The following PTCHD4 variants were observed in gnomAD, a reference collection of about 807,000 sequenced individuals.
PTCHD4 encodes the protein patched domain containing 4, also known as patched domain-containing protein 4.
Under a neutral mutation model 58.1 loss-of-function variants are expected in PTCHD4, and 33 were observed. The observed-to-expected ratio is 0.57, with a 90% CI of 0.43 to 0.76. The LOEUF (loss-of-function observed/expected upper bound fraction) is 0.76. Ranked by LOEUF, PTCHD4 falls within the 30% of genes least tolerant of loss-of-function variation. The pLI, the probability that PTCHD4 is intolerant of heterozygous loss-of-function variation, is 0.00. For synonymous variants in PTCHD4, 478 were observed against 409.6 expected, an observed-to-expected ratio of 1.17 and a Z score of -2.02; for missense variants, 1,058 against 1,027.1, an observed-to-expected ratio of 1.03 and a Z score of -0.41.
Position 47,879,833 on chromosome 6 carries a change from C to T in PTCHD4, c.1002G>A (p.Met334Ile), listed in dbSNP as rs1311499263. 2 of 1,612,750 alleles carry T rather than the reference C, an allele frequency of 1.2e-6. No homozygotes were observed. Among genetic ancestry groups the T allele is most frequent in the Admixed American group, 1.7e-5 (1 of 59,802 alleles). The stretch of plus-strand genomic sequence containing the variant: ...GGGAGCTGGTCATGGTATAGGTGAC[C>T]ATCACATCAGAATAGGCATCTGCTA... ...DRIADAYSDV[M>I]VTYTMTSSLY... is the part of the protein sequence containing the mutation. Residue 334 changes from methionine (M) to isoleucine (I), a missense_variant, in exon 5 of 5, where the codon ATG (methionine) becomes ATA (isoleucine). Physicochemically the swap from Met to Ile is conservative, Grantham distance 10 (BLOSUM62 1). Coordinates refer to ENST00000339488, the MANE Select transcript of PTCHD4 (RefSeq NM_001384253.1).
intron 4 of PTCHD4, among the ~76,000 whole-genome samples, chr6:47,933,273 C>T (rs140200096): frequency 6.6e-6 from 1 of 152,300 alleles, no homozygotes; most frequent in African/African-American, 2.4e-5. Context: ...CTTTCAATAA[C>T]TTCAGATGCA....
chr6:48,013,361 A>G (rs1379946990), intron 3 of PTCHD4, among the ~76,000 whole-genome samples: 1 of 137,122 alleles, frequency 7.3e-6, no homozygotes, highest in African/African-American at 2.7e-5. Context: ...CAATCCAATA[A>G]GAATTTCAGT....
At chr6:47,930,103 A>G (rs1042241458) in intron 4 of PTCHD4, among the ~76,000 whole-genome samples, 1 of 152,238 alleles carries the variant, frequency 6.6e-6, no homozygotes, top group Non-Finnish European at 1.5e-5. Flanking sequence ...TAAATCAACT[A>G]TTAGAAAATA....
At chr6:47,940,587 A>G (rs1431743808) in intron 4 of PTCHD4, among the ~76,000 whole-genome samples, 4 of 152,194 alleles carry the variant, frequency 2.6e-5, no homozygotes, top group Non-Finnish European at 5.9e-5. Flanking sequence ...TTAAAACCAT[A>G]AATAGTTAAA....
At chr6:48,057,878 G>T (rs555761386) in intron 3 of PTCHD4, among the ~76,000 whole-genome samples, 1 of 152,304 alleles carries the variant, frequency 6.6e-6, no homozygotes, top group African/African-American at 2.4e-5. Flanking sequence ...ATAATCAAGA[G>T]ATTCACATGA....
chr6:48,008,530 A>T lies in PTCHD4; in HGVS notation c.898+104T>A, dbSNP rs967399873. ...TAAAATTTTATGTAATGACATAGAC[A>T]CCCCAATGCAAAATTAAAACAGATT... On this transcript the variant is annotated intron_variant, in intron 4 of 4. Transcript: ENST00000339488. The T allele has an allele frequency of 5.4e-6, 7 of 1,292,438 alleles. No individual in the cohort carries two copies. In the South Asian group the frequency reaches 7.8e-5, roughly 14 times the overall value. The allele number at this position is 1,292,438 out of a possible 1,614,324, so 80.1% of individuals were successfully genotyped here.
At chr6:48,041,904 TA>T (rs1191627822) in intron 3 of PTCHD4, among the ~76,000 whole-genome samples, 1 of 152,050 alleles carries the variant, frequency 6.6e-6, no homozygotes, top group Non-Finnish European at 1.5e-5. Context: ...TAAAAAAAAT[TA>T]AAAGTGTTTG....
At chr6:48,004,378 T>C (rs1427817805) in intron 4 of PTCHD4, among the ~76,000 whole-genome samples, 18 of 152,156 alleles carry the variant, frequency 1.2e-4, no homozygotes, top group Admixed American at 1.2e-3. Context: ...CCGAGGCTAC[T>C]ACTGTTCCTG....
Position 47,879,794 on chromosome 6 carries a change from A to C in PTCHD4, c.1041T>G (p.Thr347=). Reference sequence around the variant, plus strand: ...TGAATGGGCTGGCACCCATGCCAAAAGTGATGAAGTACAGGGAGCTGGTCA... The same window carrying C: ...TGAATGGGCTGGCACCCATGCCAAACGTGATGAAGTACAGGGAGCTGGTCA... ...YTMTSSLYFI[T]FGMGASPFTN... Residue 347 remains threonine (T), a synonymous_variant, in exon 5 of 5, where the codon ACT becomes ACG. Coordinates refer to ENST00000339488, the MANE Select transcript of PTCHD4 (RefSeq NM_001384253.1). 6.2e-7 allele frequency: 1 copy of C among 1,613,682 alleles called. No individual in the cohort carries two copies. The highest frequency in any genetic ancestry group is 1.1e-5 in the South Asian group (1 of 91,058).
intron 4 of PTCHD4, among the ~76,000 whole-genome samples, chr6:47,918,914 G>A (rs1765343588): frequency 2.0e-5 from 3 of 152,110 alleles, no homozygotes; most frequent in Admixed American, 2.0e-4. Flanking sequence ...GATAAAGAAG[G>A]TTGGGTCCTA....
chr6:48,061,381 G>A (rs1764620596), intron 3 of PTCHD4, among the ~76,000 whole-genome samples: 1 of 152,176 alleles, frequency 6.6e-6, no homozygotes, highest in South Asian at 2.1e-4. Context: ...CCTCTTTGGT[G>A]TTTCCATGAT....
At chr6:47,994,949 A>G (rs1768425762) in intron 4 of PTCHD4, among the ~76,000 whole-genome samples, 1 of 152,212 alleles carries the variant, frequency 6.6e-6, no homozygotes, top group Middle Eastern at 3.2e-3. Flanking sequence ...ACAACCAAAA[A>G]GAAAAATGTT....
chr6:47,927,860 C>T (rs890009496), intron 4 of PTCHD4, among the ~76,000 whole-genome samples: 2 of 151,546 alleles, frequency 1.3e-5, no homozygotes, highest in Non-Finnish European at 2.9e-5. Flanking sequence ...TGGGCTCAAG[C>T]GATCCATCTG....
At chr6:48,097,556 G>T (rs761655191) in intron 1 of PTCHD4, among the ~76,000 whole-genome samples, 32 of 152,196 alleles carry the variant, frequency 2.1e-4, no homozygotes, top group South Asian at 1.0e-3. Context: ...ATATTTCGGG[G>T]TGTTATCCAA....
intron 4 of PTCHD4, among the ~76,000 whole-genome samples, chr6:47,999,191 G>A (rs182246175): frequency 2.6e-5 from 4 of 152,308 alleles, no homozygotes; most frequent in Admixed American, 2.6e-4. Flanking sequence ...TCCAATGAGA[G>A]AGTAAGATGA....
intron 4 of PTCHD4, among the ~76,000 whole-genome samples, chr6:47,897,020 T>G (rs762837230): frequency 1.3e-5 from 2 of 152,176 alleles, no homozygotes; most frequent in African/African-American, 2.4e-5. Flanking sequence ...AAATATTAGT[T>G]TTTTTTGTAA....
In PTCHD4 at chr6:47,948,918, A is replaced by G. The variant is rs1391122661; in HGVS notation, c.898+59716T>C. Among the ~76,000 whole-genome samples, 3 of 152,196 alleles carry G rather than the reference A, an allele frequency of 2.0e-5. No homozygotes were observed. The East Asian group carries it at 5.8e-4, about 29-fold the overall frequency. On this transcript the variant is annotated intron_variant, in intron 4 of 4. Coordinates refer to ENST00000339488, the MANE Select transcript of PTCHD4 (RefSeq NM_001384253.1). ...GAATTACTTGCAGCTCACTTATTCA[A>G]CAAAACATTATCGAGCATATACTTG... is the stretch of plus-strand genomic sequence containing the variant.
intron 1 of PTCHD4, among the ~76,000 whole-genome samples, chr6:48,088,637 G>A (rs192274250): frequency 2.8e-4 from 42 of 152,250 alleles, no homozygotes; most frequent in African/African-American, 8.9e-4. Context: ...TTAAGCATTC[G>A]ATGAACTAAA....
At chr6:48,011,769 C>A (rs1762683815) in intron 3 of PTCHD4, among the ~76,000 whole-genome samples, 1 of 152,042 alleles carries the variant, frequency 6.6e-6, no homozygotes, top group Admixed American at 6.6e-5. Context: ...AGGAAAGGGT[C>A]CAGTTTCAGT....
Sources: allele counts gnomAD v4.1 joint callset (sites outside exome capture counted in the v4.1 genomes callset), GRCh38; gene constraint gnomAD v4.1.1; transcripts MANE v1.5; gene names NCBI Gene and HGNC (gene_info 2026-07-23, HGNC 2026-07-21).